PPARGC1A: variants seen among roughly 807,000 people sequenced by gnomAD.
PPARGC1A encodes PPARG coactivator 1 alpha.
PPARGC1A carries 25 observed loss-of-function variants against 88.7 expected under a neutral mutation model. That is an observed-to-expected ratio of 0.28 (90% CI 0.21 to 0.39). The LOEUF is 0.39. Ranked by LOEUF, PPARGC1A falls within the 10% of genes least tolerant of loss-of-function variation. The pLI is 1.00. For synonymous variants in PPARGC1A, 363 were observed against 355.6 expected (o/e 1.02, Z -0.24); for missense variants, 880 against 968.7 (o/e 0.91, Z 1.22).
the PPARGC1A span, among the ~76,000 whole-genome samples, chr4:24,071,945 T>C: frequency 6.6e-6 from 1 of 152,020 alleles, no homozygotes. Flanking sequence ...TTATAAGAAG[T>C]TAAATGTTGA....
At chr4:24,374,305 C>G in the PPARGC1A span, among the ~76,000 whole-genome samples, 1 of 152,124 alleles carries the variant, frequency 6.6e-6, no homozygotes, top group South Asian at 2.1e-4. Context: ...TACCCTGTCA[C>G]TCTATATTTT....
At chr4:24,245,586 T>A in the PPARGC1A span, among the ~76,000 whole-genome samples, 2 of 152,340 alleles carry the variant, frequency 1.3e-5, no homozygotes, top group East Asian at 3.9e-4. Flanking sequence ...GAGGCACATT[T>A]GCAACTTATA....
At chr4:24,057,276 A>G in the PPARGC1A span, among the ~76,000 whole-genome samples, 1 of 152,188 alleles carries the variant, frequency 6.6e-6, no homozygotes, top group Non-Finnish European at 1.5e-5. Context: ...AAAGTAGAAC[A>G]GTAGTTGCCA....
the PPARGC1A span, among the ~76,000 whole-genome samples, chr4:24,006,684 T>C: frequency 1.3e-5 from 2 of 152,168 alleles, no homozygotes; most frequent in Non-Finnish European, 2.9e-5. Flanking sequence ...TCCTGCCATA[T>C]TGTAGCCTGC....
the PPARGC1A span, among the ~76,000 whole-genome samples, chr4:23,962,907 T>C: frequency 2.2e-3 from 328 of 152,254 alleles, no homozygotes; most frequent in African/African-American, 7.5e-3. Context: ...TAGCTGCAAA[T>C]TTCCTTTCAT....
chr4:23,902,787 G>A (rs191924303), upstream of PPARGC1A, among the ~76,000 whole-genome samples: 238 of 152,282 alleles, frequency 1.6e-3, no homozygotes, highest in African/African-American at 5.3e-3. Context: ...TTCCAAGGGA[G>A]AAAAGCCTGT....
chr4:24,062,089 A>T, the PPARGC1A span, among the ~76,000 whole-genome samples: 1 of 152,304 alleles, frequency 6.6e-6, no homozygotes, highest in African/African-American at 2.4e-5. Flanking sequence ...CAATAAACCA[A>T]GTCTTTTGCA....
At chr4:24,297,599 G>A in the PPARGC1A span, among the ~76,000 whole-genome samples, 1 of 152,088 alleles carries the variant, frequency 6.6e-6, no homozygotes, top group African/African-American at 2.4e-5. Flanking sequence ...TCAAGAAAAG[G>A]TGACCTCACT....
chr4:23,936,858 A>G, the PPARGC1A span, among the ~76,000 whole-genome samples: 1 of 152,142 alleles, frequency 6.6e-6, no homozygotes, highest in Non-Finnish European at 1.5e-5. Flanking sequence ...TGACAGAGTG[A>G]CTCCATCTCA....
the PPARGC1A span, among the ~76,000 whole-genome samples, chr4:24,451,766 T>C: frequency 1.3e-5 from 2 of 152,142 alleles, no homozygotes; most frequent in South Asian, 4.1e-4. Flanking sequence ...TTAGTAGAGA[T>C]GGGGTTTCAC....
chr4:24,078,135 A>G, the PPARGC1A span, among the ~76,000 whole-genome samples: 1 of 151,122 alleles, frequency 6.6e-6, no homozygotes, highest in Non-Finnish European at 1.5e-5. Flanking sequence ...CTATTCTCTC[A>G]CTTTCACATT....
the PPARGC1A span, among the ~76,000 whole-genome samples, chr4:23,970,219 A>C: frequency 6.9e-4 from 105 of 152,320 alleles, no homozygotes; most frequent in Middle Eastern, 3.4e-3. Flanking sequence ...CATAAATTTC[A>C]ACTCACCATA....
rs1169719580 is a variant in PPARGC1A at position 23,844,851 on chromosome 4, TTATA to T, written c.235-13104_235-13101del. On this transcript the variant is annotated intron_variant, in intron 2 of 12. Transcript: ENST00000264867. ...TTATTATAATATATGATATATATTATTATAATATATGATATATATTATATACACA... is the reference window on the plus strand; with the variant it reads ...TTATTATAATATATGATATATATTATATATATGATATATATTATATACACA... Among the ~76,000 whole-genome samples the T allele has an allele frequency of 6.5e-3, 784 of 121,472 alleles. 24 individuals are homozygous for T. The highest frequency in any genetic ancestry group is 0.018 in the African/African-American group (577 of 32,354). The allele number at this position is 121,472 out of a possible 152,430, so 79.7% of individuals were successfully genotyped here. A position where few individuals can be genotyped will look rare whatever the true frequency, so the allele number is the denominator to read the frequency against.
At chr4:23,935,730 G>A in the PPARGC1A span, among the ~76,000 whole-genome samples, 1 of 152,162 alleles carries the variant, frequency 6.6e-6, no homozygotes, top group Non-Finnish European at 1.5e-5. Context: ...GAAAGTTTAA[G>A]TGATTTGCCT....
intron 2 of PPARGC1A, among the ~76,000 whole-genome samples, chr4:23,870,938 GTT>G (rs367777718): frequency 5.7e-5 from 8 of 139,300 alleles, no homozygotes; most frequent in East Asian, 4.1e-4. Context: ...TGGTATCCGT[GTT>G]TTTTTTTTTT....
At chr4:24,347,860 C>T in the PPARGC1A span, among the ~76,000 whole-genome samples, 8 of 151,850 alleles carry the variant, frequency 5.3e-5, no homozygotes, top group African/African-American at 1.9e-4. Flanking sequence ...TGCTTTTTAA[C>T]TTGTATTTTG....
chr4:24,408,504 G>A, the PPARGC1A span, among the ~76,000 whole-genome samples: 100 of 152,270 alleles, frequency 6.6e-4, 3 homozygotes, highest in South Asian at 0.016. Context: ...TTGGATCTGA[G>A]GTGGCCTTAG....
At chr4:24,125,438 C>A in the PPARGC1A span, among the ~76,000 whole-genome samples, 1 of 152,102 alleles carries the variant, frequency 6.6e-6, no homozygotes, top group Non-Finnish European at 1.5e-5. Context: ...TAGCTCCACA[C>A]CCCAAAGCTG....
At chr4:23,803,259 C>T (rs1454814642) in intron 10 of PPARGC1A, among the ~76,000 whole-genome samples, 1 of 152,004 alleles carries the variant, frequency 6.6e-6, no homozygotes, top group Non-Finnish European at 1.5e-5. Context: ...TTTTAACAAG[C>T]ACACCTCAGC....
Sources: allele counts gnomAD v4.1 joint callset (sites outside exome capture counted in the v4.1 genomes callset), GRCh38; gene constraint gnomAD v4.1.1; transcripts MANE v1.5; gene names NCBI Gene and HGNC (gene_info 2026-07-23, HGNC 2026-07-21).